Variants in ACSL3 observed in about 807,000 individuals in gnomAD.
ACSL3 encodes fatty acid CoA ligase Acsl3.
In ACSL3, 34 loss-of-function variants were observed where a neutral mutation model predicts 84.7. The ratio of observed to expected loss-of-function variants is 0.40; its 90% CI spans 0.31 to 0.53. The LOEUF is 0.53. Among genes scored for constraint, ACSL3 ranks in the 20% least tolerant of loss-of-function variants. The probability of loss-of-function intolerance (pLI) is 0.48; values close to 1 mark genes in which losing one functional copy is unlikely to be tolerated. For synonymous variants in ACSL3, 315 were observed against 299.4 expected (o/e 1.05, Z -0.54); for missense variants, 680 against 873.1 (o/e 0.78, Z 2.79).
intron 1 of ACSL3, among the ~76,000 whole-genome samples, chr2:222,873,609 A>G (rs990929900): frequency 2.0e-5 from 3 of 152,186 alleles, no homozygotes; most frequent in Non-Finnish European, 4.4e-5. Flanking sequence ...CGGTCCTGAT[A>G]CCTGTTTGTG....
chr2:222,911,253 T>TCA (rs1696433398), intron 4 of ACSL3, among the ~76,000 whole-genome samples: 2 of 152,096 alleles, frequency 1.3e-5, no homozygotes. Context: ...TTCTCCATGT[T>TCA]GGTCAGGCTG....
chr2:222,943,223 A>G lies in ACSL3; in HGVS notation c.*1569A>G, dbSNP rs570315004. 14 of 211,858 alleles carry G rather than the reference A, an allele frequency of 6.6e-5. No homozygotes were observed. Among genetic ancestry groups the G allele is most frequent in the South Asian group, 2.1e-4 (1 of 4,782 alleles). The allele number at this position is 211,858 out of a possible 1,614,324, so 13.1% of individuals were successfully genotyped here. A position where few individuals can be genotyped will look rare whatever the true frequency, so the allele number is the denominator to read the frequency against. ...ATCGTATGTGGAGACATTGCAATAC[A>G]GTGTTTTTTGTTTTCAACTTTTCTT... is the stretch of plus-strand genomic sequence containing the variant. On this transcript the variant is annotated 3_prime_UTR_variant, in exon 17 of 17. Transcript: ENST00000357430.
At chr2:222,930,591 C>G (rs1360488392) in intron 13 of ACSL3, 30 bp from the exon 14 acceptor site, 2 of 1,511,820 alleles carry the variant, frequency 1.3e-6, no homozygotes, top group Non-Finnish European at 1.8e-6. Context: ...GTATTTAACT[C>G]AACTATTAAC....
intron 1 of ACSL3, among the ~76,000 whole-genome samples, chr2:222,867,610 G>T (rs999510244): frequency 5.3e-5 from 8 of 152,142 alleles, no homozygotes; most frequent in Non-Finnish European, 8.8e-5. Context: ...TCATCAGTGT[G>T]GGTTCATGTA....
At chr2:222,932,581 G>A (rs1284764683) in intron 14 of ACSL3, among the ~76,000 whole-genome samples, 1 of 151,978 alleles carries the variant, frequency 6.6e-6, no homozygotes, top group Non-Finnish European at 1.5e-5. Context: ...TGCCCGCCTC[G>A]GCCTCCCGAA....
intron 13 of ACSL3, among the ~76,000 whole-genome samples, chr2:222,929,276 A>T (rs995679444): frequency 7.0e-6 from 1 of 142,572 alleles, no homozygotes; most frequent in African/African-American, 2.7e-5. Context: ...TTATTTTATG[A>T]AATTGTGGAT....
intron 1 of ACSL3, among the ~76,000 whole-genome samples, chr2:222,873,095 C>A (rs925163269): frequency 4.6e-5 from 7 of 152,140 alleles, no homozygotes; most frequent in Non-Finnish European, 1.0e-4. Context: ...TTCTTTGGTC[C>A]TCAGTTACTA....
At position 222,922,971 on chromosome 2, in the gene ACSL3, C is replaced by T; in HGVS notation, c.1081-107C>T. The T allele has an allele frequency of 5.9e-6, 8 of 1,367,176 alleles. No individual in the cohort carries two copies. In the East Asian group the frequency reaches 2.0e-4, roughly 34 times the overall value. 84.7% of individuals were successfully genotyped at this position (1,367,176 alleles called of 1,614,324 possible). ...TTTAGCCTTTTAAGTGCTTCTTAGA[C>T]TGTAAGTACATTAAAATAATTTATA... On this transcript the variant is annotated intron_variant, in intron 9 of 16. Transcript: ENST00000357430.
At chr2:222,889,868 A>G (rs555526483) in intron 2 of ACSL3, among the ~76,000 whole-genome samples, 1 of 152,324 alleles carries the variant, frequency 6.6e-6, no homozygotes, top group Admixed American at 6.5e-5. Context: ...TGGAGGTGAG[A>G]GGGAAGACAA....
intron 1 of ACSL3, among the ~76,000 whole-genome samples, chr2:222,867,459 G>GAC (rs1422959618): frequency 6.6e-6 from 1 of 152,126 alleles, no homozygotes; most frequent in Non-Finnish European, 1.5e-5. Context: ...TGTTTCCTTA[G>GAC]ACAGTGTATA....
In ACSL3 at chr2:222,922,753, A is replaced by G. The variant is rs765899054; in HGVS notation, c.1002A>G (p.Leu334=). 8.7e-6 allele frequency: 14 copies of G among 1,614,068 alleles called. No individual in the cohort carries two copies. The highest frequency in any genetic ancestry group is 1.3e-5 in the African/African-American group (1 of 74,940). ...GATATTTGCCTCTGGCCCATGTTCTAGAATTAAGTGCTGAGCTTGTCTGTC... is the reference window on the plus strand; with the variant it reads ...GATATTTGCCTCTGGCCCATGTTCTGGAATTAAGTGCTGAGCTTGTCTGTC... The part of the protein sequence containing the change: ...YIGYLPLAHV[L]ELSAELVCLS... Residue 334 remains leucine (L), a synonymous_variant, in exon 9 of 17, where the codon CTA becomes CTG. Transcript: ENST00000357430.
rs774143400 is a variant in ACSL3, at chr2:222,924,487, T to G, written c.1184T>G (p.Met395Arg). 19 of 1,607,908 alleles carry G rather than the reference T, an allele frequency of 1.2e-5. No individual in the cohort carries two copies. The highest frequency in any genetic ancestry group is 1.6e-5 in the Non-Finnish European group (19 of 1,177,742). Residue 395 changes from methionine (M) to arginine (R), a missense_variant, in exon 11 of 17, where the codon ATG becomes AGG. Met to Arg is a moderately conservative substitution (Grantham distance 91, BLOSUM62 -1). Around this residue, in one of 2 missense-constraint regions of ACSL3, gnomAD observed 347 missense variants for 525.7 expected, o/e 0.66. Coordinates refer to ENST00000357430, the MANE Select transcript of ACSL3 (RefSeq NM_004457.5). ...ATGGATCGGATCTACAAAAATGTCA[T>G]GAATAAAGTCAGTGAAATGAGTAGT... ...EIMDRIYKNV[M>R]NKVSEMSSFQ...
At chr2:222,890,026 A>G (rs1695806623) in intron 2 of ACSL3, among the ~76,000 whole-genome samples, 1 of 152,276 alleles carries the variant, frequency 6.6e-6, no homozygotes, top group African/African-American at 2.4e-5. Flanking sequence ...AATACAACAC[A>G]AGACTATTGA....
intron 2 of ACSL3, among the ~76,000 whole-genome samples, chr2:222,895,470 C>CTTTTTTTTTT (rs1164470428): frequency 1.9e-4 from 3 of 15,608 alleles, no homozygotes; most frequent in Non-Finnish European, 2.8e-4. Context: ...TTACTTTGTT[C>CTTTTTTTTTT]TTTTTTTTTT....
At chr2:222,907,104 T>C (rs1051704818) in intron 3 of ACSL3, among the ~76,000 whole-genome samples, 2 of 152,212 alleles carry the variant, frequency 1.3e-5, no homozygotes, top group Admixed American at 1.3e-4. Context: ...TAGTTATATC[T>C]GTTCTGTGAG....
intron 15 of ACSL3, 28 bp from the exon 16 acceptor site, chr2:222,934,502 C>T (rs766492037): frequency 2.7e-6 from 4 of 1,488,596 alleles, no homozygotes; most frequent in Admixed American, 2.5e-5. Flanking sequence ...CATTTTGTTC[C>T]TTATCTGTTA....
chr2:222,876,408 A>G (rs1330405500), intron 1 of ACSL3, among the ~76,000 whole-genome samples: 1 of 152,106 alleles, frequency 6.6e-6, no homozygotes, highest in Non-Finnish European at 1.5e-5. Context: ...TGCAGCCTCA[A>G]CTTCCCCAGC....
At chr2:222,931,769 C>A (rs2106139232) in intron 14 of ACSL3, among the ~76,000 whole-genome samples, 1 of 152,298 alleles carries the variant, frequency 6.6e-6, no homozygotes, top group South Asian at 2.1e-4. Flanking sequence ...TAACATTGTT[C>A]CCCTCTTCAC....
intron 1 of ACSL3, among the ~76,000 whole-genome samples, chr2:222,862,587 T>G (rs1395329657): frequency 6.6e-6 from 1 of 152,248 alleles, no homozygotes; most frequent in Non-Finnish European, 1.5e-5. Context: ...GGGAATCTTT[T>G]GCACAGACTT....
Sources: allele counts gnomAD v4.1 joint callset (sites outside exome capture counted in the v4.1 genomes callset), GRCh38; gene constraint gnomAD v4.1.1; regional missense constraint gnomAD v4.1.1; transcripts MANE v1.5; gene names NCBI Gene and HGNC (gene_info 2026-07-23, HGNC 2026-07-21).